Variants in CACNA1C observed in about 807,000 individuals in gnomAD.
CACNA1C encodes the protein voltage-dependent L-type calcium channel subunit alpha-1C.
In CACNA1C, 30 loss-of-function variants were observed where a neutral mutation model predicts 229.0. The observed-to-expected ratio is 0.13, with a 90% CI of 0.10 to 0.18. The LOEUF is 0.18. Among genes scored for constraint, CACNA1C ranks in the 10% least tolerant of loss-of-function variants. The pLI is 1.00. For synonymous variants in CACNA1C, 1,114 were observed against 1,132.5 expected, an observed-to-expected ratio of 0.98 and a Z score of 0.33; for missense variants, 1,658 against 2,845.0, an observed-to-expected ratio of 0.58 and a Z score of 9.49.
intron 37 of CACNA1C, chr12:2,668,638 G>A (rs549580595): frequency 2.0e-5 from 6 of 303,304 alleles, no homozygotes; most frequent in African/African-American, 8.5e-5. Context: ...AGGCAGGTAC[G>A]TCACATGGAC....
intron 18 of CACNA1C, among the ~76,000 whole-genome samples, chr12:2,592,171 G>T (rs1001695077): frequency 6.6e-6 from 1 of 152,160 alleles, no homozygotes; most frequent in African/African-American, 2.4e-5. Context: ...GTTTGTTAGG[G>T]AATAATAGGT....
At chr12:2,203,374 C>T (rs2097656286) in intron 3 of CACNA1C, among the ~76,000 whole-genome samples, 1 of 152,194 alleles carries the variant, frequency 6.6e-6, no homozygotes, top group Non-Finnish European at 1.5e-5. Flanking sequence ...GGGGCTGTCT[C>T]ACCCACTGAA....
At chr12:2,609,579 C>T (rs947013482) in intron 27 of CACNA1C, among the ~76,000 whole-genome samples, 9 of 148,670 alleles carry the variant, frequency 6.1e-5, no homozygotes, top group Non-Finnish European at 7.4e-5. Context: ...ATCTAGTATC[C>T]GGTTAATGAT....
chr12:2,443,472 T>C (rs920734158), intron 3 of CACNA1C, among the ~76,000 whole-genome samples: 1 of 152,102 alleles, frequency 6.6e-6, no homozygotes, highest in African/African-American at 2.4e-5. Flanking sequence ...TTCTCTCTTC[T>C]GCAGTTGTTC....
chr12:2,335,342 A>G (rs904709770), intron 3 of CACNA1C, among the ~76,000 whole-genome samples: 2 of 151,928 alleles, frequency 1.3e-5, no homozygotes, highest in Non-Finnish European at 2.9e-5. Flanking sequence ...GAAAACAAAC[A>G]TCTGTGATTT....
In CACNA1C at chr12:2,346,490, A is replaced by G. The variant is rs1199992897; in HGVS notation, c.478-102486A>G. ...TTTTGCTGTCCAGGGCTTTGGGACA[A>G]TGGGCTTGCTATGTTTTAAATTTTG... On this transcript the variant is annotated intron_variant, in intron 3 of 46. Transcript: ENST00000399655. This position sits in a 1 kb window ranked among gnomAD's most constrained non-coding sequence, Gnocchi z 4.4. Among the ~76,000 whole-genome samples, 3 of 152,122 alleles carry G rather than the reference A, an allele frequency of 2.0e-5. No homozygotes were observed. The highest frequency in any genetic ancestry group is 4.4e-5 in the Non-Finnish European group (3 of 68,032).
At chr12:2,584,428 C>A in intron 15 of CACNA1C, 75 bp from the exon 16 acceptor site, 1 of 1,015,782 alleles carries the variant, frequency 9.8e-7, no homozygotes, top group Non-Finnish European at 1.5e-6. Flanking sequence ...CCTGCACGCC[C>A]CACATCCCCC....
At chr12:2,583,022 A>C in intron 15 of CACNA1C, 80 bp downstream of exon 15, 1 of 1,035,526 alleles carries the variant, frequency 9.7e-7, no homozygotes, top group Non-Finnish European at 1.4e-6. Context: ...CACGCCCCTC[A>C]GGTCCGGGCG....
At position 2,679,751 on chromosome 12, in the gene CACNA1C, C is replaced by T. The variant is rs764753945; in HGVS notation, c.5399C>T (p.Pro1800Leu). 2 of 1,596,480 alleles carry T rather than the reference C, an allele frequency of 1.3e-6. No homozygotes were observed. Among genetic ancestry groups the T allele is most frequent in the South Asian group, 1.1e-5 (1 of 88,716 alleles). The change falls in exon 42 of 47, where the codon CCT becomes CTT. Residue 1800 changes from proline (P) to leucine (L), a missense_variant. Pro to Leu is a moderately conservative substitution (Grantham distance 98). Coordinates refer to ENST00000399655, the MANE Select transcript of CACNA1C (RefSeq NM_000719.7). The surrounding 1 kb of genome is among the most constrained non-coding windows in gnomAD (Gnocchi z 5.5). ...TVEGHGPPLS[P>L]AIRVQEVAWK... The stretch of plus-strand genomic sequence containing the variant: ...GAGGGCCACGGGCCCCCCTTGTCCC[C>T]TGCCATCCGGGTGCAGGAGGTGGCG...
At chr12:2,582,448 G>A (rs187585684) in intron 14 of CACNA1C, among the ~76,000 whole-genome samples, 2 of 152,298 alleles carry the variant, frequency 1.3e-5, no homozygotes, top group East Asian at 1.9e-4. Flanking sequence ...CCCCAGTGAC[G>A]AATGTTTGGG....
chr12:2,060,846 A>T (rs1025882626), intron 1 of CACNA1C, among the ~76,000 whole-genome samples: 3 of 152,252 alleles, frequency 2.0e-5, no homozygotes, highest in Admixed American at 6.5e-5. Context: ...TAGACAGTGA[A>T]TGAATGTTCT....
At chr12:2,063,560 G>T (rs939230955) in intron 1 of CACNA1C, among the ~76,000 whole-genome samples, 3 of 152,208 alleles carry the variant, frequency 2.0e-5, no homozygotes, top group Admixed American at 1.3e-4. Context: ...GATAAATGAT[G>T]ACATTGAAAG....
upstream of CACNA1C, among the ~76,000 whole-genome samples, chr12:2,048,918 A>G (rs1490574061): frequency 6.6e-6 from 1 of 152,202 alleles, no homozygotes; most frequent in Non-Finnish European, 1.5e-5. Context: ...TACTGTCAAC[A>G]CTTTTTTTCC....
intron 3 of CACNA1C, among the ~76,000 whole-genome samples, chr12:2,328,087 T>G (rs534021679): frequency 1.3e-5 from 2 of 152,342 alleles, no homozygotes; most frequent in East Asian, 1.9e-4. Flanking sequence ...AAAGAGTAGT[T>G]TCATTAGATC....
chr12:2,517,358 A>G (rs1242022988), intron 9 of CACNA1C, among the ~76,000 whole-genome samples: 2 of 152,232 alleles, frequency 1.3e-5, no homozygotes, highest in Non-Finnish European at 2.9e-5. Flanking sequence ...TAGCATGCCC[A>G]TGGCCTCAAG....
chr12:2,104,542 T>C (rs1338029297), intron 1 of CACNA1C, among the ~76,000 whole-genome samples: 2 of 152,238 alleles, frequency 1.3e-5, no homozygotes, highest in Admixed American at 1.3e-4. Flanking sequence ...TTCCTCTGTT[T>C]GTATTTGAAT....
intron 1 of CACNA1C, chr12:2,018,264 G>A (rs544944791): frequency 7.2e-5 from 11 of 152,214 alleles, no homozygotes; most frequent in African/African-American, 2.7e-4. Context: ...TGACATGTAT[G>A]ATAAGCAACC....
At chr12:2,301,126 A>C (rs2094525789) in intron 3 of CACNA1C, among the ~76,000 whole-genome samples, 1 of 152,160 alleles carries the variant, frequency 6.6e-6, no homozygotes, top group South Asian at 2.1e-4. Flanking sequence ...CCACAGGCAC[A>C]CTTAGCACGG....
chr12:2,121,078 C>A (rs761119622), intron 3 of CACNA1C, among the ~76,000 whole-genome samples: 1 of 152,172 alleles, frequency 6.6e-6, no homozygotes, highest in Non-Finnish European at 1.5e-5. Flanking sequence ...TTTGCTCCAT[C>A]TGGGCATGTG....
Sources: allele counts gnomAD v4.1 joint callset (sites outside exome capture counted in the v4.1 genomes callset), GRCh38; gene constraint gnomAD v4.1.1; non-coding constraint Gnocchi (gnomAD v3.1); transcripts MANE v1.5; gene names NCBI Gene and HGNC (gene_info 2026-07-23, HGNC 2026-07-21).